The following ALS2 variants were observed in gnomAD, a reference collection of about 807,000 sequenced individuals.
The protein encoded by ALS2 is alsin.
ALS2 carries 117 observed loss-of-function variants against 203.4 expected under a neutral mutation model. The observed-to-expected ratio is 0.58, with a 90% CI of 0.50 to 0.67. The LOEUF (loss-of-function observed/expected upper bound fraction) is 0.67, where lower values mean the gene tolerates loss of function less well. Among genes scored for constraint, ALS2 ranks in the 30% least tolerant of loss-of-function variants. The probability of loss-of-function intolerance (pLI) is 0.00; values close to 1 mark genes in which losing one functional copy is unlikely to be tolerated. For synonymous variants in ALS2, 718 were observed against 725.9 expected (o/e 0.99, Z 0.17); for missense variants, 1,715 against 1,989.4 (o/e 0.86, Z 2.62).
At chr2:201,737,562 T>A (rs1691958586) in intron 12 of ALS2, among the ~76,000 whole-genome samples, 1 of 152,236 alleles carries the variant, frequency 6.6e-6, no homozygotes, top group African/African-American at 2.4e-5. Context: ...ATATTAAAAG[T>A]ATTCTCATTA....
chr2:201,754,699 G>C, intron 5 of ALS2, 28 bp from the exon 6 acceptor site: 1 of 1,613,408 alleles, frequency 6.2e-7, no homozygotes. Context: ...GTGGGGTGAA[G>C]GAGTGGGAGT....
intron 3 of ALS2, among the ~76,000 whole-genome samples, chr2:201,764,489 C>G (rs766066346): frequency 6.7e-6 from 1 of 149,054 alleles, no homozygotes; most frequent in Non-Finnish European, 1.5e-5. Context: ...AAAAAAAGAG[C>G]CAGGAGTGCT....
At chr2:201,727,067 A>C in intron 17 of ALS2, 145 bp downstream of exon 17, 1 of 925,674 alleles carries the variant, frequency 1.1e-6, no homozygotes, top group South Asian at 1.5e-5. Flanking sequence ...ACAATGAAGA[A>C]CCTACAGTTT....
At position 201,716,532 on chromosome 2, in the gene ALS2, C is replaced by T. The variant is rs1225052798; in HGVS notation, c.3837-693G>A. 1.2e-4 allele frequency: 15 copies of T among 122,382 alleles called. No homozygotes were observed. The East Asian group carries it at 3.0e-3, about 24-fold the overall frequency. The allele number at this position is 122,382 out of a possible 1,614,324, so 7.6% of individuals were successfully genotyped here. On this transcript the variant is annotated intron_variant, in intron 24 of 33. Transcript: ENST00000264276. ...GCACTCCAGCCTAGCGACAGAGTGA[C>T]GCTCCATCTCAAAAAAAAAAAAAAA...
chr2:201,726,701 A>T lies in ALS2; in HGVS notation c.3145T>A (p.Tyr1049Asn). 2 of 1,614,208 alleles carry T rather than the reference A, an allele frequency of 1.2e-6. No individual in the cohort carries two copies. Among genetic ancestry groups the T allele is most frequent in the South Asian group, 2.2e-5 (2 of 91,086 alleles). The change falls in exon 18 of 34, where the codon TAT becomes AAT. Residue 1049 changes from tyrosine (Y) to asparagine (N), a missense_variant. Physicochemically the swap from Tyr to Asn is moderately radical, Grantham distance 143. Around this residue, in one of 3 missense-constraint regions of ALS2, gnomAD observed 1,227 missense variants for 1,413.5 expected, o/e 0.87. Transcript: ENST00000264276. ...TTCCCTGAAAGCCAGCGTCCATCAT[A>T]GGTGGCATCCTTTAGGCGAGGATCC... ...YKDPRLKDAT[Y>N]DGRWLSGKPH...
intron 4 of ALS2, chr2:201,759,796 A>T (rs879363816): frequency 1.3e-4 from 125 of 985,206 alleles, no homozygotes; most frequent in Non-Finnish European, 1.5e-4. Context: ...GTGGTTTCAA[A>T]AACCTAAAAA....
At position 201,768,859 on chromosome 2, in the gene ALS2, A is replaced by G. The variant is rs3219153; in HGVS notation, c.20+7T>C. The G allele has an allele frequency of 0.16, 253,676 of 1,610,464 alleles. 23,992 individuals carry two copies. Among genetic ancestry groups the G allele is most frequent in the East Asian group, 0.41 (18,218 of 44,796 alleles). ...GAGGATAAGAGAAAAGGAAGAAATG[A>G]TTTTACCTTCTCTTCTTTGAGTCCA... On this transcript the variant is annotated splice_region_variant and intron_variant, in intron 2 of 33. Transcript: ENST00000264276.
At chr2:201,776,342 C>T (rs1461630131) in intron 1 of ALS2, among the ~76,000 whole-genome samples, 3 of 151,968 alleles carry the variant, frequency 2.0e-5, no homozygotes, top group South Asian at 4.1e-4. Context: ...CTGGTTATGA[C>T]GATCCTCTAA....
chr2:201,711,251 T>C (rs1375503471), intron 25 of ALS2, 143 bp from the exon 26 acceptor site: 1 of 635,194 alleles, frequency 1.6e-6, no homozygotes, highest in Non-Finnish European at 2.8e-6. Context: ...TCAGAAATCA[T>C]CACGATCCTG....
Position 201,708,057 on chromosome 2 carries a change from A to G in ALS2, c.4281-66T>C, listed in dbSNP as rs1689834753. ...TAGGGGGGTTGAAAAGCATAAAAACACATTTCCATTAGTTATGAGAGCAAG... is the reference window on the plus strand; with the variant it reads ...TAGGGGGGTTGAAAAGCATAAAAACGCATTTCCATTAGTTATGAGAGCAAG... On this transcript the variant is annotated intron_variant, in intron 27 of 33. Transcript: ENST00000264276. 7 of 1,477,548 alleles carry G rather than the reference A, an allele frequency of 4.7e-6. No individual in the cohort carries two copies. The Admixed American group carries it at 1.2e-4, about 26-fold the overall frequency. 91.5% of individuals were successfully genotyped at this position (1,477,548 alleles called of 1,614,324 possible). A position where few individuals can be genotyped will look rare whatever the true frequency, so the allele number is the denominator to read the frequency against.
At chr2:201,740,339 T>A (rs989255254) in intron 11 of ALS2, among the ~76,000 whole-genome samples, 1 of 152,166 alleles carries the variant, frequency 6.6e-6, no homozygotes, top group Non-Finnish European at 1.5e-5. Context: ...TTTTAAAGAT[T>A]CATACATAAA....
chr2:201,737,974 G>T (rs181912708), intron 12 of ALS2, among the ~76,000 whole-genome samples: 15 of 151,766 alleles, frequency 9.9e-5, no homozygotes, highest in Non-Finnish European at 1.5e-4. Flanking sequence ...AATCTGGGTG[G>T]TAAGTACATA....
intron 25 of ALS2, among the ~76,000 whole-genome samples, chr2:201,713,123 CTTTT>C (rs1276979044): frequency 7.1e-5 from 4 of 56,222 alleles, no homozygotes; most frequent in South Asian, 1.5e-3. Flanking sequence ...ATTCTTTCTC[CTTTT>C]CTTTTCTTTT....
chr2:201,731,496 T>G (rs945264356), intron 13 of ALS2, among the ~76,000 whole-genome samples: 3 of 151,930 alleles, frequency 2.0e-5, no homozygotes, highest in Non-Finnish European at 4.4e-5. Context: ...CTTCACCGAG[T>G]TGATGTGGGG....
At chr2:201,738,250 C>G (rs1001247072) in intron 12 of ALS2, among the ~76,000 whole-genome samples, 7 of 152,282 alleles carry the variant, frequency 4.6e-5, no homozygotes, top group Non-Finnish European at 7.4e-5. Context: ...GTGTAAGGAG[C>G]CTTTAAATTA....
intron 1 of ALS2, among the ~76,000 whole-genome samples, chr2:201,771,820 T>A (rs932243069): frequency 5.3e-5 from 8 of 152,222 alleles, no homozygotes. Flanking sequence ...TATCATTCCT[T>A]AAGAGGGCAA....
chr2:201,769,017 C>T, intron 1 of ALS2, 72 bp from the exon 2 acceptor site: 1 of 666,828 alleles, frequency 1.5e-6, no homozygotes, highest in South Asian at 2.1e-5. Context: ...AAAAAAAAAG[C>T]AGCCCTCTAA....
intron 11 of ALS2, among the ~76,000 whole-genome samples, chr2:201,740,342 T>C (rs915114406): frequency 6.6e-6 from 1 of 152,158 alleles, no homozygotes; most frequent in Non-Finnish European, 1.5e-5. Flanking sequence ...TAAAGATTCA[T>C]ACATAAACCC....
At chr2:201,702,177 C>T (rs1689430370) in intron 33 of ALS2, among the ~76,000 whole-genome samples, 1 of 151,424 alleles carries the variant, frequency 6.6e-6, no homozygotes, top group Non-Finnish European at 1.5e-5. Flanking sequence ...AGAGACACCA[C>T]AATTTGCCAT....
Sources: gnomAD v4.1 joint callset for allele counts (sites outside exome capture counted in the v4.1 genomes callset) on GRCh38, gnomAD v4.1.1 for gene constraint, gnomAD v4.1.1 regional missense constraint, MANE v1.5 for transcripts, NCBI Gene and HGNC (gene_info 2026-07-23, HGNC 2026-07-21) for gene names.